GRID2: variants seen among roughly 807,000 people sequenced by gnomAD.
The protein encoded by GRID2 is glutamate receptor ionotropic, delta-2.
Under a neutral mutation model 114.8 loss-of-function variants are expected in GRID2, and 33 were observed. That is an observed-to-expected ratio of 0.29 (90% CI 0.22 to 0.38). The LOEUF (loss-of-function observed/expected upper bound fraction) is 0.38. Among genes scored for constraint, GRID2 ranks in the 10% least tolerant of loss-of-function variants. The pLI, the probability that GRID2 is intolerant of heterozygous loss-of-function variation, is 1.00. For synonymous variants in GRID2, 505 were observed against 449.9 expected (o/e 1.12, Z -1.55); for missense variants, 1,184 against 1,257.7 (o/e 0.94, Z 0.89).
chr4:93,063,588 T>A (rs1727999689), intron 2 of GRID2, among the ~76,000 whole-genome samples: 1 of 151,944 alleles, frequency 6.6e-6, no homozygotes, highest in African/African-American at 2.4e-5. Flanking sequence ...CTGTCAAGTG[T>A]AAAAATTGTG....
At chr4:93,393,078 A>G (rs2149326335) in intron 8 of GRID2, among the ~76,000 whole-genome samples, 1 of 152,154 alleles carries the variant, frequency 6.6e-6, no homozygotes, top group South Asian at 2.1e-4. Context: ...TTTCTTAGTT[A>G]TACCCCATTA....
rs58832079 is a variant in GRID2, at chr4:93,419,074, CTTTTT to C, written c.1348-3679_1348-3675del. On this transcript the variant is annotated intron_variant, in intron 9 of 15. Coordinates refer to ENST00000282020, the MANE Select transcript of GRID2 (RefSeq NM_001510.4). ...GGTAATCCCCAAAATCATGATTTTC[CTTTTT>C]TTTTTTTTTTTTTTTTTACAGTTTC... 3.3e-3 allele frequency among the ~76,000 whole-genome samples: 356 copies of C among 109,486 alleles called. 3 individuals carry two copies. The highest frequency in any genetic ancestry group is 0.019 in the East Asian group (81 of 4,296). 71.8% of individuals were successfully genotyped at this position (109,486 alleles called of 152,430 possible). A position where few individuals can be genotyped will look rare whatever the true frequency, so the allele number is the denominator to read the frequency against.
At chr4:93,006,871 T>C (rs364133) in intron 2 of GRID2, among the ~76,000 whole-genome samples, 1 of 150,930 alleles carries the variant, frequency 6.6e-6, no homozygotes. Flanking sequence ...ACTGATGAAA[T>C]TTCTCTTCCT....
At chr4:93,709,806 A>G (rs1473841692) in intron 14 of GRID2, among the ~76,000 whole-genome samples, 1 of 152,108 alleles carries the variant, frequency 6.6e-6, no homozygotes, top group African/African-American at 2.4e-5. Context: ...TAAATAGTCT[A>G]TCTTCAAGCT....
At chr4:93,505,248 T>A (rs1305225259) in intron 12 of GRID2, among the ~76,000 whole-genome samples, 2 of 152,050 alleles carry the variant, frequency 1.3e-5, no homozygotes, top group African/African-American at 4.8e-5. Flanking sequence ...TCCAGGGAAA[T>A]TAACGGGAAT....
chr4:93,730,884 A>G (rs1379169283), intron 14 of GRID2, among the ~76,000 whole-genome samples: 1 of 152,244 alleles, frequency 6.6e-6, no homozygotes, highest in Non-Finnish European at 1.5e-5. Flanking sequence ...GCAAATATGC[A>G]TAAACTATGG....
chr4:93,539,094 A>G lies in GRID2; in HGVS notation c.2193+23683A>G, dbSNP rs942715421. On this transcript the variant is annotated intron_variant, in intron 13 of 15. Transcript: ENST00000282020. ...TTATTCCAGAATAAATAGTTTACTT[A>G]AAAGCTATAGAAACATATCTAGATT... is the stretch of plus-strand genomic sequence containing the variant. 9.2e-5 allele frequency among the ~76,000 whole-genome samples: 14 copies of G among 152,032 alleles called. No individual in the cohort carries two copies. The Middle Eastern group carries it at 0.014, about 148-fold the overall frequency.
At chr4:93,261,646 T>G (rs1750264156) in intron 8 of GRID2, among the ~76,000 whole-genome samples, 1 of 151,802 alleles carries the variant, frequency 6.6e-6, no homozygotes, top group African/African-American at 2.4e-5. Flanking sequence ...GATTGAACAA[T>G]ATATTATAAA....
At chr4:93,198,075 T>C (rs1049210761) in intron 4 of GRID2, among the ~76,000 whole-genome samples, 1 of 152,152 alleles carries the variant, frequency 6.6e-6, no homozygotes, top group African/African-American at 2.4e-5. Context: ...GTTAGGGCTA[T>C]ATGGTTCTCT....
In GRID2 at chr4:92,926,635, G is replaced by A. The variant is rs141355701; in HGVS notation, c.245-158360G>A. On this transcript the variant is annotated intron_variant, in intron 2 of 15. Coordinates refer to ENST00000282020, the MANE Select transcript of GRID2 (RefSeq NM_001510.4). ...TTTGCAAGCCTTTTGGTAAAATAGC[G>A]TTATTTACACAATGAATTTCATTGT... Among the ~76,000 whole-genome samples, 718 of 151,932 alleles carry A rather than the reference G, an allele frequency of 4.7e-3. 8 individuals are homozygous for A. Among genetic ancestry groups the A allele is most frequent in the African/African-American group, 0.016 (645 of 41,494 alleles).
chr4:92,931,668 A>T (rs1308366071), intron 2 of GRID2, among the ~76,000 whole-genome samples: 1 of 150,534 alleles, frequency 6.6e-6, no homozygotes, highest in African/African-American at 2.4e-5. Context: ...ATCTAGAGTA[A>T]CCAAAATAAC....
chr4:92,678,322 A>AT (rs889118410), intron 2 of GRID2, among the ~76,000 whole-genome samples: 5 of 152,054 alleles, frequency 3.3e-5, no homozygotes, highest in African/African-American at 9.7e-5. Flanking sequence ...TAAGGGCAGG[A>AT]TTTTTTCTCT....
intron 1 of GRID2, among the ~76,000 whole-genome samples, chr4:92,325,162 A>C (rs1579182420): frequency 6.6e-6 from 1 of 151,952 alleles, no homozygotes; most frequent in African/African-American, 2.4e-5. Flanking sequence ...ACTAAAAGTC[A>C]TGGAGCTTGT....
At chr4:93,627,865 G>T (rs1742866606) in intron 14 of GRID2, among the ~76,000 whole-genome samples, 1 of 152,130 alleles carries the variant, frequency 6.6e-6, no homozygotes, top group African/African-American at 2.4e-5. Flanking sequence ...CACATATAGG[G>T]AAGGAAGGAG....
At chr4:92,444,640 C>A (rs1287297474) in intron 1 of GRID2, among the ~76,000 whole-genome samples, 1 of 152,120 alleles carries the variant, frequency 6.6e-6, no homozygotes, top group Non-Finnish European at 1.5e-5. Context: ...TTGGCTTGGG[C>A]TCAGAGGCCT....
intron 2 of GRID2, among the ~76,000 whole-genome samples, chr4:93,037,844 TGTA>T (rs1297977789): frequency 1.3e-5 from 2 of 152,184 alleles, no homozygotes; most frequent in Non-Finnish European, 2.9e-5. Flanking sequence ...ACTGTAGCCT[TGTA>T]GTATAGTTTG....
intron 2 of GRID2, among the ~76,000 whole-genome samples, chr4:92,760,433 C>T (rs1437445367): frequency 6.6e-6 from 1 of 152,036 alleles, no homozygotes; most frequent in Non-Finnish European, 1.5e-5. Flanking sequence ...CACCCTTTCA[C>T]TGAGCAGGTC....
At chr4:93,048,187 C>T (rs568100353) in intron 2 of GRID2, among the ~76,000 whole-genome samples, 87 of 152,112 alleles carry the variant, frequency 5.7e-4, no homozygotes, top group African/African-American at 2.0e-3. Flanking sequence ...GCTAGCAGCT[C>T]ATGTCAGATT....
intron 2 of GRID2, among the ~76,000 whole-genome samples, chr4:92,688,398 T>C (rs1734026927): frequency 6.6e-6 from 1 of 152,154 alleles, no homozygotes; most frequent in African/African-American, 2.4e-5. Flanking sequence ...TGCTGTCTGA[T>C]GGAACTTTAC....
Sources: allele counts gnomAD v4.1 joint callset (sites outside exome capture counted in the v4.1 genomes callset), GRCh38; gene constraint gnomAD v4.1.1; transcripts MANE v1.5; gene names NCBI Gene and HGNC (gene_info 2026-07-23, HGNC 2026-07-21).